NTRK2: variants seen among roughly 807,000 people sequenced by gnomAD.
NTRK2 encodes the protein BDNF/NT-3 growth factors receptor.
Under a neutral mutation model 94.5 loss-of-function variants are expected in NTRK2, and 13 were observed. That is an observed-to-expected ratio of 0.14 (90% CI 0.09 to 0.22). NTRK2 has a LOEUF of 0.22. Among genes scored for constraint, NTRK2 ranks in the 10% least tolerant of loss-of-function variants. NTRK2 has a pLI of 1.00. For synonymous variants in NTRK2, 372 were observed against 407.4 expected (o/e 0.91, Z 1.05); for missense variants, 639 against 1,071.2 (o/e 0.60, Z 5.63).
At chr9:84,961,175 A>G (rs1469961424) in intron 17 of NTRK2, among the ~76,000 whole-genome samples, 2 of 152,202 alleles carry the variant, frequency 1.3e-5, no homozygotes, top group Admixed American at 1.3e-4. Context: ...ACCAGGCACA[A>G]TATTCAATTT....
chr9:84,931,416 AAGAGAGAG>A (rs60534679), intron 14 of NTRK2, among the ~76,000 whole-genome samples: 19 of 147,906 alleles, frequency 1.3e-4, no homozygotes, highest in South Asian at 1.3e-3. Context: ...CAAAAAAAAA[AAGAGAGAG>A]AGAGAGAGAG....
intron 12 of NTRK2, among the ~76,000 whole-genome samples, chr9:84,846,534 G>A (rs181347637): frequency 9.9e-5 from 15 of 152,274 alleles, no homozygotes; most frequent in Admixed American, 9.8e-4. Flanking sequence ...TTCACAACAT[G>A]AAGGCCTACA....
intron 11 of NTRK2, among the ~76,000 whole-genome samples, chr9:84,750,810 C>T (rs979645333): frequency 6.6e-6 from 1 of 152,296 alleles, no homozygotes. Context: ...TGGAAGGAGA[C>T]ACATAGTGCC....
At chr9:84,910,169 C>T (rs1409832858) in intron 14 of NTRK2, among the ~76,000 whole-genome samples, 3 of 152,078 alleles carry the variant, frequency 2.0e-5, no homozygotes, top group African/African-American at 7.2e-5. Flanking sequence ...ATTGCTCTGT[C>T]ACCATTTATT....
intron 14 of NTRK2, among the ~76,000 whole-genome samples, chr9:84,918,712 T>G (rs1426877963): frequency 6.6e-6 from 1 of 152,226 alleles, no homozygotes; most frequent in Non-Finnish European, 1.5e-5. Flanking sequence ...CTGAGAGTCA[T>G]GTTGCGTATG....
rs1445492288 is a variant in NTRK2 at position 84,702,383 on chromosome 9, A to G, written c.323A>G (p.His108Arg). 1.9e-6 allele frequency: 3 copies of G among 1,614,102 alleles called. No individual in the cohort carries two copies. The highest frequency in any genetic ancestry group is 2.2e-5 in the East Asian group (1 of 44,902). The part of the protein sequence containing the change: ...IVDSGLKFVA[H>R]KAFLKNSNLQ... ...GATTCTGGATTAAAATTTGTGGCTCATAAAGCATTTCTGAAAAACAGCAAC... is the reference window on the plus strand; with the variant it reads ...GATTCTGGATTAAAATTTGTGGCTCGTAAAGCATTTCTGAAAAACAGCAAC... The change falls in exon 4 of 19, where the codon CAT (histidine) becomes CGT (arginine). Residue 108 changes from histidine (H) to arginine (R), a missense_variant. Transcript: ENST00000277120.
At chr9:84,696,528 T>C (rs1004521062) in intron 2 of NTRK2, among the ~76,000 whole-genome samples, 4 of 152,162 alleles carry the variant, frequency 2.6e-5, no homozygotes, top group African/African-American at 9.7e-5. Context: ...TTGGGTGCCC[T>C]AAGTGAGCAG....
At chr9:84,991,000 A>G (rs187305586) in intron 17 of NTRK2, among the ~76,000 whole-genome samples, 2 of 152,268 alleles carry the variant, frequency 1.3e-5, no homozygotes, top group East Asian at 1.9e-4. Flanking sequence ...CTGTAGCAAC[A>G]TCAAAAGTCT....
chr9:84,877,936 C>T (rs1270500191), intron 14 of NTRK2: 7 of 1,013,778 alleles, frequency 6.9e-6, no homozygotes, highest in Middle Eastern at 9.5e-4. Flanking sequence ...CCTGCTAATA[C>T]TTTTTCTTAC....
rs548989083 is a variant in NTRK2 at position 84,922,211 on chromosome 9, C to A, written c.1634-11951C>A. On this transcript the variant is annotated intron_variant, in intron 14 of 18. Coordinates refer to ENST00000277120, the MANE Select transcript of NTRK2 (RefSeq NM_006180.6). ...TGCGGACACGTCTTCACTGAAAGCCCAGCATATGACTGGGTCGGTGGCATC... is the reference window on the plus strand; with the variant it reads ...TGCGGACACGTCTTCACTGAAAGCCAAGCATATGACTGGGTCGGTGGCATC... Among the ~76,000 whole-genome samples the A allele has an allele frequency of 5.0e-4, 76 of 152,286 alleles. No individual in the cohort carries two copies. The South Asian group carries it at 0.01, about 20-fold the overall frequency.
At chr9:84,966,385 C>G (rs1825562149) in intron 17 of NTRK2, among the ~76,000 whole-genome samples, 1 of 152,192 alleles carries the variant, frequency 6.6e-6, no homozygotes, top group Non-Finnish European at 1.5e-5. Context: ...TCACAAGCTT[C>G]TTAGCTGAGT....
chr9:84,977,794 A>G (rs1827079842), intron 17 of NTRK2, among the ~76,000 whole-genome samples: 2 of 152,300 alleles, frequency 1.3e-5, no homozygotes, highest in East Asian at 3.9e-4. Context: ...AAGAAAGCCT[A>G]TCAGTGCCAT....
chr9:84,925,498 G>T (rs62563924), intron 14 of NTRK2, among the ~76,000 whole-genome samples: 7,473 of 152,146 alleles, frequency 0.049, 270 homozygotes, highest in Non-Finnish European at 0.069. Context: ...CCTCTGATTA[G>T]TTCATTTTCA....
intron 2 of NTRK2, among the ~76,000 whole-genome samples, chr9:84,689,299 T>G (rs1285226071): frequency 6.6e-6 from 1 of 152,254 alleles, no homozygotes; most frequent in Non-Finnish European, 1.5e-5. Flanking sequence ...GGCTTGTCTG[T>G]GCATTACTCT....
intron 17 of NTRK2, among the ~76,000 whole-genome samples, chr9:84,983,396 G>T (rs1370785804): frequency 6.6e-6 from 1 of 152,140 alleles, no homozygotes; most frequent in African/African-American, 2.4e-5. Flanking sequence ...GGCTTCCACT[G>T]GGGCCTTCCT....
At chr9:84,989,345 A>G in intron 17 of NTRK2, among the ~76,000 whole-genome samples, 1 of 152,090 alleles carries the variant, frequency 6.6e-6, no homozygotes, top group East Asian at 1.9e-4. Context: ...ATTCTTCCAT[A>G]TATTTATATA....
At chr9:84,872,600 T>C (rs1400876970) in intron 14 of NTRK2, 2 of 1,064,018 alleles carry the variant, frequency 1.9e-6, no homozygotes, top group African/African-American at 1.6e-5. Flanking sequence ...TAAAGTATTC[T>C]GACTTTTTTT....
rs572571691 is a variant in NTRK2, at chr9:84,996,978, C to T, written c.2173-23228C>T. Among the ~76,000 whole-genome samples the T allele has an allele frequency of 2.6e-4, 39 of 152,288 alleles. No homozygotes were observed. The South Asian group carries it at 4.8e-3, about 19-fold the overall frequency. ...GCACTGTGGCTGTTTCAATGCAGTACGGCCCGTATGCAGAGTCACCTGGGG... is the reference window on the plus strand; with the variant it reads ...GCACTGTGGCTGTTTCAATGCAGTATGGCCCGTATGCAGAGTCACCTGGGG... On this transcript the variant is annotated intron_variant, in intron 17 of 18. Coordinates refer to ENST00000277120, the MANE Select transcript of NTRK2 (RefSeq NM_006180.6).
At chr9:84,969,420 C>G (rs1318088001) in intron 17 of NTRK2, among the ~76,000 whole-genome samples, 1 of 152,258 alleles carries the variant, frequency 6.6e-6, no homozygotes, top group African/African-American at 2.4e-5. Context: ...GGATAGGGCT[C>G]TGACCTTTAG....
Sources: gnomAD v4.1 joint callset for allele counts (sites outside exome capture counted in the v4.1 genomes callset) on GRCh38, gnomAD v4.1.1 for gene constraint, MANE v1.5 for transcripts, NCBI Gene and HGNC (gene_info 2026-07-23, HGNC 2026-07-21) for gene names.